ITPRID1: variants seen among roughly 807,000 people sequenced by gnomAD.
ITPRID1 encodes protein ITPRID1.
ITPRID1 carries 96 observed loss-of-function variants against 95.4 expected under a neutral mutation model. The ratio of observed to expected loss-of-function variants is 1.01; its 90% confidence interval spans 0.85 to 1.19. ITPRID1 has a LOEUF of 1.19. Among genes scored for constraint, ITPRID1 ranks in the 50% most tolerant of loss-of-function variants. ITPRID1 has a pLI of 0.00. For synonymous variants in ITPRID1, 510 were observed against 453.6 expected (o/e 1.12, Z -1.58); for missense variants, 1,339 against 1,252.9 (o/e 1.07, Z -1.04).
intron 10 of ITPRID1, among the ~76,000 whole-genome samples, chr7:31,593,058 A>ACTT (rs1365213654): frequency 6.6e-6 from 1 of 152,178 alleles, no homozygotes; most frequent in Non-Finnish European, 1.5e-5. Context: ...TAATCCTGAC[A>ACTT]CTTTGGGAGG....
rs143439390 is a variant in ITPRID1 at position 31,638,815 on chromosome 7, C to T, written c.1229-3361C>T. ...TTTTTGAGATGGAGACTTGCTCTGT[C>T]GCCCAGGCTGGAGTGGAGTGACCCA... On this transcript the variant is annotated intron_variant, in intron 10 of 14. Coordinates refer to ENST00000615280, the MANE Select transcript of ITPRID1 (RefSeq NM_001257967.3). Among the ~76,000 whole-genome samples, 422 of 152,190 alleles carry T rather than the reference C, an allele frequency of 2.8e-3. 4 individuals carry two copies. Among genetic ancestry groups the T allele is most frequent in the African/African-American group, 9.8e-3 (407 of 41,530 alleles).
At chr7:31,572,022 G>A (rs1785006777) in intron 6 of ITPRID1, 80 bp from the exon 7 acceptor site, 1 of 885,920 alleles carries the variant, frequency 1.1e-6, no homozygotes, top group Non-Finnish European at 1.8e-6. Context: ...TGTTTGCTCT[G>A]GAAGGAAAAG....
chr7:31,519,606 C>CTATA (rs1783156662), intron 1 of ITPRID1, among the ~76,000 whole-genome samples: 2 of 56,838 alleles, frequency 3.5e-5, no homozygotes, highest in South Asian at 9.0e-4. Context: ...CTCTCTCTCT[C>CTATA]TCTCTCTCTC....
intron 10 of ITPRID1, among the ~76,000 whole-genome samples, chr7:31,595,588 T>C (rs1786055010): frequency 6.6e-6 from 1 of 152,188 alleles, no homozygotes; most frequent in South Asian, 2.1e-4. Context: ...AGACATTTTA[T>C]GTAAAATTGG....
At chr7:31,520,564 T>TGTGTGA (rs1289851983) in intron 1 of ITPRID1, among the ~76,000 whole-genome samples, 6 of 54,950 alleles carry the variant, frequency 1.1e-4, no homozygotes, top group African/African-American at 4.8e-4. Context: ...TGTGTGTGTG[T>TGTGTGA]GAGAGAGAGA....
At chr7:31,549,548 A>G (rs1193213830) in intron 2 of ITPRID1, 49 bp downstream of exon 2, 22 of 1,378,178 alleles carry the variant, frequency 1.6e-5, no homozygotes, top group Admixed American at 2.1e-5. Context: ...AAAACTCCAT[A>G]AAGTGTTTAT....
At chr7:31,605,058 A>G (rs1339577142) in intron 10 of ITPRID1, among the ~76,000 whole-genome samples, 1 of 152,112 alleles carries the variant, frequency 6.6e-6, no homozygotes, top group Admixed American at 6.5e-5. Flanking sequence ...GAATCCCATG[A>G]ACCTGGGAGG....
At chr7:31,531,185 T>A (rs1783585811) in intron 1 of ITPRID1, among the ~76,000 whole-genome samples, 1 of 152,198 alleles carries the variant, frequency 6.6e-6, no homozygotes, top group Non-Finnish European at 1.5e-5. Context: ...TTGGAAATCC[T>A]GCAGAGTTTG....
chr7:31,622,605 G>C (rs910976372), intron 10 of ITPRID1, among the ~76,000 whole-genome samples: 55 of 151,810 alleles, frequency 3.6e-4, no homozygotes, highest in Non-Finnish European at 6.9e-4. Context: ...CACATTCAAA[G>C]CACTGTGTAG....
chr7:31,656,646 A>G, downstream of ITPRID1: 2 of 255,174 alleles, frequency 7.8e-6, no homozygotes, highest in Non-Finnish European at 1.2e-5. Flanking sequence ...TGACTATGGT[A>G]GAAGCACGGT....
chr7:31,586,355 A>G (rs573381767), intron 10 of ITPRID1, among the ~76,000 whole-genome samples: 1 of 151,264 alleles, frequency 6.6e-6, no homozygotes, highest in South Asian at 2.1e-4. Flanking sequence ...GTATATACCC[A>G]GTAATGGGAT....
rs569156425 is a variant in ITPRID1 at position 31,553,657 on chromosome 7, C to A, written c.163+470C>A. Among the ~76,000 whole-genome samples, 9 of 152,294 alleles carry A rather than the reference C, an allele frequency of 5.9e-5. No individual in the cohort carries two copies. In the South Asian group the frequency reaches 1.7e-3, roughly 28 times the overall value. On this transcript the variant is annotated intron_variant, in intron 3 of 14. Coordinates refer to ENST00000615280, the MANE Select transcript of ITPRID1 (RefSeq NM_001257967.3). ...ACTGTTGAATGGTTTTTCTTCTTTG[C>A]CCATTGCCCAATTCCTTCTAACTTC... is the stretch of plus-strand genomic sequence containing the variant.
chr7:31,525,154 G>C (rs1193848859), intron 1 of ITPRID1, among the ~76,000 whole-genome samples: 1 of 152,198 alleles, frequency 6.6e-6, no homozygotes, highest in African/African-American at 2.4e-5. Context: ...GGAAGCATCT[G>C]TAAAAGAAGC....
intron 1 of ITPRID1, among the ~76,000 whole-genome samples, chr7:31,515,293 A>G (rs1014213068): frequency 1.3e-5 from 2 of 152,202 alleles, no homozygotes; most frequent in African/African-American, 4.8e-5. Context: ...TTAAAAAAAA[A>G]AAAAGAAAAA....
At position 31,558,137 on chromosome 7, in the gene ITPRID1, T is replaced by G. The variant is rs73085459; in HGVS notation, c.256+3236T>G. Among the ~76,000 whole-genome samples the G allele has an allele frequency of 4.6e-3, 470 of 102,492 alleles. 5 individuals carry two copies. The highest frequency in any genetic ancestry group is 0.012 in the African/African-American group (415 of 36,050). The allele number at this position is 102,492 out of a possible 152,430, so 67.2% of individuals were successfully genotyped here. On this transcript the variant is annotated intron_variant, in intron 5 of 14. Transcript: ENST00000615280. ...TTTGGTCCCCATTTTCTCTCTCTCT[T>G]GTGTGCTTGCTTATCCTCTGCCTTC...
At chr7:31,526,309 A>T (rs909459135) in intron 1 of ITPRID1, among the ~76,000 whole-genome samples, 1 of 152,212 alleles carries the variant, frequency 6.6e-6, no homozygotes, top group African/African-American at 2.4e-5. Flanking sequence ...TGATGGGTTT[A>T]TTGGGGGTTA....
rs1382071194 is a variant in ITPRID1 at position 31,551,414 on chromosome 7, G to C, written c.-23-1588G>C. 1.4e-5 allele frequency among the ~76,000 whole-genome samples: 2 copies of C among 143,876 alleles called. 1 individual carries two copies. The highest frequency in any genetic ancestry group is 3.1e-5 in the Non-Finnish European group (2 of 63,804). 94.4% of individuals were successfully genotyped at this position (143,876 alleles called of 152,430 possible). A position where few individuals can be genotyped will look rare whatever the true frequency, so the allele number is the denominator to read the frequency against. On this transcript the variant is annotated intron_variant, in intron 2 of 14. Transcript: ENST00000615280. ...AACATAATTCAGTCTGCATTATTCT[G>C]TCTTGTGTTATTACTGAAATTTTTA...
chr7:31,585,234 C>T (rs549807912), intron 10 of ITPRID1, among the ~76,000 whole-genome samples: 46 of 152,228 alleles, frequency 3.0e-4, no homozygotes, highest in African/African-American at 1.0e-3. Flanking sequence ...TGGAGGTATA[C>T]GATGAACTCT....
chr7:31,565,641 T>C (rs1192657100), intron 5 of ITPRID1, among the ~76,000 whole-genome samples: 1 of 152,066 alleles, frequency 6.6e-6, no homozygotes, highest in Non-Finnish European at 1.5e-5. Flanking sequence ...GTGAGGCTGA[T>C]GCAGGAGAAT....
Sources: allele counts gnomAD v4.1 joint callset (sites outside exome capture counted in the v4.1 genomes callset), GRCh38; gene constraint gnomAD v4.1.1; transcripts MANE v1.5; gene names NCBI Gene and HGNC (gene_info 2026-07-23, HGNC 2026-07-21).